The following GLIS3 variants were observed in gnomAD, a reference collection of about 807,000 sequenced individuals.
The protein encoded by GLIS3 is zinc finger protein GLIS3.
In GLIS3, 53 loss-of-function variants were observed where a neutral mutation model predicts 78.6. The ratio of observed to expected loss-of-function variants is 0.67; its 90% CI spans 0.54 to 0.85. The LOEUF is 0.85. Ranked by LOEUF, GLIS3 falls within the 40% of genes least tolerant of loss-of-function variation. The probability of loss-of-function intolerance (pLI) is 0.00; values close to 1 mark genes in which losing one functional copy is unlikely to be tolerated. For missense variants in GLIS3, 1,703 were observed against 1,231.1 expected, an observed-to-expected ratio of 1.38 and a Z score of -5.74; for synonymous variants, 684 against 509.9, an observed-to-expected ratio of 1.34 and a Z score of -4.60.
At chr9:4,133,745 C>T (rs982554485) in intron 2 of GLIS3, among the ~76,000 whole-genome samples, 1 of 151,378 alleles carries the variant, frequency 6.6e-6, no homozygotes, top group Non-Finnish European at 1.5e-5. Flanking sequence ...TCATATGGTA[C>T]CTTTCTGATA....
At chr9:4,179,301 G>A (rs1356869137) in intron 2 of GLIS3, among the ~76,000 whole-genome samples, 2 of 152,152 alleles carry the variant, frequency 1.3e-5, no homozygotes, top group Non-Finnish European at 2.9e-5. Context: ...GTTTGCCCTG[G>A]AGACATGCAT....
At chr9:3,905,028 A>G (rs565697544) in intron 6 of GLIS3, among the ~76,000 whole-genome samples, 38 of 149,032 alleles carry the variant, frequency 2.5e-4, no homozygotes, top group Admixed American at 1.1e-3. Context: ...GCCGGAGTGC[A>G]GTGGCGCGAT....
chr9:4,413,227 T>C, the GLIS3 span, among the ~76,000 whole-genome samples: 1 of 152,134 alleles, frequency 6.6e-6, no homozygotes, highest in Non-Finnish European at 1.5e-5. Context: ...AATACCACAA[T>C]CCCAAATCAG....
chr9:4,202,872 G>T (rs1438788339), intron 2 of GLIS3, among the ~76,000 whole-genome samples: 1 of 152,176 alleles, frequency 6.6e-6, no homozygotes, highest in Non-Finnish European at 1.5e-5. Flanking sequence ...AATCCTAGAA[G>T]AAAAGCTAGG....
Position 4,296,760 on chromosome 9 carries a change from A to T in GLIS3, c.-99+2661T>A, listed in dbSNP as rs181827718. 4.4e-3 allele frequency among the ~76,000 whole-genome samples: 669 copies of T among 152,270 alleles called. 5 individuals carry two copies. The highest frequency in any genetic ancestry group is 0.015 in the African/African-American group (643 of 41,550). On this transcript the variant is annotated intron_variant, in intron 1 of 10. Transcript: ENST00000381971. ...CTACCAATAAGGACAGGTGTTTTGAAAATAGCGAAAAAAAAATGTCCCCTA... is the reference window on the plus strand; with the variant it reads ...CTACCAATAAGGACAGGTGTTTTGATAATAGCGAAAAAAAAATGTCCCCTA...
chr9:4,044,684 T>G (rs1001321540), intron 4 of GLIS3, among the ~76,000 whole-genome samples: 4 of 151,686 alleles, frequency 2.6e-5, no homozygotes, highest in Non-Finnish European at 5.9e-5. Context: ...CAGAAAGAGG[T>G]CATGGGCATG....
intron 1 of GLIS3, among the ~76,000 whole-genome samples, chr9:4,294,615 C>T: frequency 6.6e-6 from 1 of 152,162 alleles, no homozygotes; most frequent in East Asian, 1.9e-4. Flanking sequence ...ACTCTACACA[C>T]CTCTCTTTCA....
chr9:3,840,858 C>T (rs1818671600), intron 9 of GLIS3, among the ~76,000 whole-genome samples: 1 of 152,186 alleles, frequency 6.6e-6, no homozygotes, highest in Non-Finnish European at 1.5e-5. Flanking sequence ...CACTTGTGCC[C>T]CTCACAGCAC....
chr9:3,932,354 A>T lies in GLIS3; in HGVS notation c.1983+6T>A. 2 of 1,603,488 alleles carry T rather than the reference A, an allele frequency of 1.2e-6. No homozygotes were observed. Among genetic ancestry groups the T allele is most frequent in the Non-Finnish European group, 1.7e-6 (2 of 1,170,412 alleles). On this transcript the variant is annotated splice_donor_region_variant and intron_variant, in intron 6 of 10. Transcript: ENST00000381971. The stretch of plus-strand genomic sequence containing the variant: ...TCCCGACTGGAAGATTCTCTTTTAA[A>T]ATTACCTTTTTCCTTGCTTGTTGCT...
At chr9:4,100,897 T>C (rs1238798089) in intron 4 of GLIS3, among the ~76,000 whole-genome samples, 23 of 152,150 alleles carry the variant, frequency 1.5e-4, no homozygotes, top group Non-Finnish European at 1.5e-5. Flanking sequence ...TGGAACCCTC[T>C]CGTTGTACAA....
chr9:3,838,744 G>GGAAAA (rs111488653), intron 9 of GLIS3, among the ~76,000 whole-genome samples: 150,069 of 152,000 alleles, frequency 0.99, 74,112 homozygotes, highest in East Asian at 1. Context: ...TGATGGGAAA[G>GGAAAA]GAAAAGGGAC....
chr9:4,230,027 G>T (rs181378362), intron 2 of GLIS3, among the ~76,000 whole-genome samples: 1 of 152,182 alleles, frequency 6.6e-6, no homozygotes, highest in Admixed American at 6.5e-5. Context: ...AAGGACAGGA[G>T]ACAGCAATAA....
intron 6 of GLIS3, among the ~76,000 whole-genome samples, chr9:3,912,642 C>T (rs1824230719): frequency 6.6e-6 from 1 of 152,124 alleles, no homozygotes; most frequent in South Asian, 2.1e-4. Context: ...TTTTCTAAAA[C>T]TGACATTGAG....
At chr9:3,908,315 C>T (rs1477600282) in intron 6 of GLIS3, among the ~76,000 whole-genome samples, 1 of 152,202 alleles carries the variant, frequency 6.6e-6, no homozygotes, top group African/African-American at 2.4e-5. Flanking sequence ...GAGTCCTAAT[C>T]TAACCCTCAG....
At chr9:3,874,715 T>C (rs1007680335) in intron 8 of GLIS3, among the ~76,000 whole-genome samples, 5 of 152,206 alleles carry the variant, frequency 3.3e-5, no homozygotes, top group Admixed American at 1.3e-4. Flanking sequence ...ACTGCATGCT[T>C]AGTGGGCTGG....
chr9:3,847,411 T>A (rs1819126746), intron 9 of GLIS3, among the ~76,000 whole-genome samples: 1 of 152,240 alleles, frequency 6.6e-6, no homozygotes, highest in South Asian at 2.1e-4. Context: ...AATGAGCAGT[T>A]ATTAAGCACT....
At chr9:4,184,151 T>C (rs1477720522) in intron 2 of GLIS3, among the ~76,000 whole-genome samples, 1 of 152,162 alleles carries the variant, frequency 6.6e-6, no homozygotes, top group Non-Finnish European at 1.5e-5. Context: ...TAATCACACA[T>C]TCCAAAATCA....
chr9:4,054,450 G>T (rs980343789), intron 4 of GLIS3: 1 of 985,398 alleles, frequency 1.0e-6, no homozygotes. Flanking sequence ...GTCACAGGAG[G>T]ATGTGCTCTG....
In GLIS3 at chr9:4,346,027, GA is replaced by G. The variant is rs530887570; in HGVS notation, n.264+1053del. On this transcript the variant is annotated intron_variant and non_coding_transcript_variant, in intron 2 of 4. Coordinates refer to the GLIS3 transcript ENST00000471664. Reference sequence around the variant, plus strand: ...CTTTTTTCAAATCAGTGAGATCTAGGAGACAAAAAATAAATACAGACACAGA... The same window carrying G: ...CTTTTTTCAAATCAGTGAGATCTAGGGACAAAAAATAAATACAGACACAGA... Among the ~76,000 whole-genome samples the G allele has an allele frequency of 6.9e-3, 1,045 of 152,170 alleles. 11 individuals carry two copies. The highest frequency in any genetic ancestry group is 7.7e-3 in the Non-Finnish European group (523 of 68,012).
Sources: gnomAD v4.1 joint callset for allele counts (sites outside exome capture counted in the v4.1 genomes callset) on GRCh38, gnomAD v4.1.1 for gene constraint, MANE v1.5 for transcripts, NCBI Gene and HGNC (gene_info 2026-07-23, HGNC 2026-07-21) for gene names.